The following OR51B5 variants were observed in gnomAD, a reference collection of about 807,000 sequenced individuals.
OR51B5 encodes the protein olfactory receptor 51B5.
For synonymous variants in OR51B5, 186 were observed against 144.8 expected (o/e 1.28, Z -2.04); for missense variants, 456 against 374.6 (o/e 1.22, Z -1.79).
At chr11:5,469,783 A>C (rs1407198529) in intron 1 of OR51B5, among the ~76,000 whole-genome samples, 2 of 152,166 alleles carry the variant, frequency 1.3e-5, no homozygotes, top group Admixed American at 1.3e-4. Context: ...CATAGCCATC[A>C]GTTTCTTCCA....
intron 1 of OR51B5, chr11:5,505,250 G>C: frequency 8.4e-7 from 1 of 1,197,564 alleles, no homozygotes; most frequent in Non-Finnish European, 1.1e-6. Context: ...TTGCTATTAG[G>C]TTTTTTGTTT....
intron 1 of OR51B5, among the ~76,000 whole-genome samples, chr11:5,444,623 C>T (rs960528875): frequency 2.6e-5 from 4 of 152,248 alleles, no homozygotes; most frequent in Non-Finnish European, 4.4e-5. Flanking sequence ...ATGGAAGATG[C>T]TTTCCTTGTA....
At chr11:5,363,232 A>G (rs372102275) in intron 1 of OR51B5, among the ~76,000 whole-genome samples, 15,530 of 78,904 alleles carry the variant, frequency 0.2, 1,075 homozygotes, top group South Asian at 0.24. Flanking sequence ...AACGAACCCA[A>G]CCCCTCACAC....
chr11:5,437,381 G>C (rs1030562382), intron 1 of OR51B5, among the ~76,000 whole-genome samples: 3 of 152,094 alleles, frequency 2.0e-5, no homozygotes, highest in Non-Finnish European at 4.4e-5. Flanking sequence ...GAAGGCCAGA[G>C]ACAACCCCAG....
At chr11:5,420,513 G>A (rs1371619384) in intron 1 of OR51B5, among the ~76,000 whole-genome samples, 5 of 151,628 alleles carry the variant, frequency 3.3e-5, no homozygotes, top group African/African-American at 9.7e-5. Flanking sequence ...TGATATTTAA[G>A]ATAGTAATCT....
intron 1 of OR51B5, among the ~76,000 whole-genome samples, chr11:5,385,007 A>G (rs1849664474): frequency 6.6e-6 from 1 of 152,342 alleles, no homozygotes; most frequent in South Asian, 2.1e-4. Flanking sequence ...AATGTAGTTC[A>G]TTAAAAAATA....
chr11:5,391,998 G>A (rs1309621674), intron 1 of OR51B5: 1 of 152,224 alleles, frequency 6.6e-6, no homozygotes, highest in African/African-American at 2.4e-5. Flanking sequence ...GAGCCCAGGA[G>A]GTTGAGGCTG....
At chr11:5,444,849 T>C (rs969305915) in intron 1 of OR51B5, among the ~76,000 whole-genome samples, 11 of 152,184 alleles carry the variant, frequency 7.2e-5, no homozygotes, top group Middle Eastern at 3.2e-3. Flanking sequence ...CAATTATCCC[T>C]GATGTAATCA....
At chr11:5,381,452 A>C (rs1344283406) in intron 1 of OR51B5, among the ~76,000 whole-genome samples, 1 of 152,162 alleles carries the variant, frequency 6.6e-6, no homozygotes, top group Non-Finnish European at 1.5e-5. Flanking sequence ...CATTGTCCCC[A>C]TCATCCTCCT....
intron 1 of OR51B5, among the ~76,000 whole-genome samples, chr11:5,363,049 T>G (rs1849309330): frequency 6.7e-6 from 1 of 149,960 alleles, no homozygotes; most frequent in Admixed American, 6.7e-5. Flanking sequence ...CCCAAGGAAA[T>G]GCAAGTGTTG....
intron 1 of OR51B5, among the ~76,000 whole-genome samples, chr11:5,363,316 T>C (rs1404861818): frequency 6.7e-6 from 1 of 148,340 alleles, no homozygotes; most frequent in Non-Finnish European, 1.5e-5. Context: ...GTTTTTCAAG[T>C]CATGATGCAG....
At chr11:5,450,226 T>C (rs778238279) in intron 1 of OR51B5, among the ~76,000 whole-genome samples, 3 of 151,892 alleles carry the variant, frequency 2.0e-5, no homozygotes, top group Non-Finnish European at 2.9e-5. Context: ...CTGTCTCTAT[T>C]AAAAATACAA....
At chr11:5,487,635 T>C (rs1274946087) in intron 1 of OR51B5, among the ~76,000 whole-genome samples, 1 of 152,202 alleles carries the variant, frequency 6.6e-6, no homozygotes, top group Non-Finnish European at 1.5e-5. Flanking sequence ...ACAATGTGTA[T>C]AATACTAGCT....
chr11:5,362,046 G>A (rs1367434425), intron 1 of OR51B5, among the ~76,000 whole-genome samples: 1 of 152,196 alleles, frequency 6.6e-6, no homozygotes, highest in East Asian at 1.9e-4. Context: ...GAGGCACAAT[G>A]CTTTAAATTG....
At chr11:5,358,525 C>T (rs1358942037) in intron 1 of OR51B5, among the ~76,000 whole-genome samples, 2 of 152,092 alleles carry the variant, frequency 1.3e-5, no homozygotes, top group African/African-American at 2.4e-5. Context: ...AAAAACAGTC[C>T]AGGACCAGAT....
At chr11:5,480,225 A>C (rs1242344468) in intron 1 of OR51B5, among the ~76,000 whole-genome samples, 1 of 150,518 alleles carries the variant, frequency 6.6e-6, no homozygotes, top group South Asian at 2.1e-4. Context: ...ACTCAACTAC[A>C]TGGAAACTGA....
At position 5,493,200 on chromosome 11, in the gene OR51B5, G is replaced by C. The variant is rs188034154; in HGVS notation, n.84+12369C>G. ...GTCCTTGTTCATATAGGAACAGAAT[G>C]AAGATATGTATAATTAGTCCACCCC... On this transcript the variant is annotated intron_variant and non_coding_transcript_variant, in intron 1 of 4. Transcript: ENST00000415970. Among the ~76,000 whole-genome samples, 899 of 152,294 alleles carry C rather than the reference G, an allele frequency of 5.9e-3. 8 individuals carry two copies. The highest frequency in any genetic ancestry group is 0.02 in the African/African-American group (850 of 41,566).
chr11:5,501,805 T>C (rs1487992693), intron 1 of OR51B5, among the ~76,000 whole-genome samples: 3 of 148,324 alleles, frequency 2.0e-5, no homozygotes, highest in African/African-American at 7.3e-5. Flanking sequence ...CTAGGGTACA[T>C]GTGCACAACG....
intron 1 of OR51B5, among the ~76,000 whole-genome samples, chr11:5,450,425 A>G (rs1016032443): frequency 3.9e-5 from 6 of 152,182 alleles, no homozygotes; most frequent in African/African-American, 1.2e-4. Flanking sequence ...ATGAATAAAA[A>G]TAAGACATAG....
Sources: allele counts gnomAD v4.1 joint callset (sites outside exome capture counted in the v4.1 genomes callset), GRCh38; gene constraint gnomAD v4.1.1; transcripts MANE v1.5; gene names NCBI Gene and HGNC (gene_info 2026-07-23, HGNC 2026-07-21).